BRPF3: variants seen among roughly 807,000 people sequenced by gnomAD.
BRPF3 encodes bromodomain and PHD finger containing 3, also known as bromodomain and PHD finger-containing protein 3.
Under a neutral mutation model 102.0 loss-of-function variants are expected in BRPF3, and 18 were observed. That is an observed-to-expected ratio of 0.18 (90% CI 0.12 to 0.26). BRPF3 has a LOEUF of 0.26. BRPF3 is among the 10% of genes least tolerant of loss of function. The pLI is 1.00. For missense variants in BRPF3, 1,147 were observed against 1,567.8 expected, an observed-to-expected ratio of 0.73 and a Z score of 4.53; for synonymous variants, 570 against 614.2, an observed-to-expected ratio of 0.93 and a Z score of 1.06.
chr6:36,216,658 T>C (rs1025025787), intron 8 of BRPF3, among the ~76,000 whole-genome samples: 4 of 152,224 alleles, frequency 2.6e-5, no homozygotes, highest in Non-Finnish European at 5.9e-5. Flanking sequence ...GTGTCTGTAA[T>C]CTACAGCTTT....
At chr6:36,226,392 A>T (rs1768740697) in intron 11 of BRPF3, among the ~76,000 whole-genome samples, 1 of 152,190 alleles carries the variant, frequency 6.6e-6, no homozygotes. Flanking sequence ...TTGGGGAGGT[A>T]GTGTCCACCT....
rs1768220714 is a variant in BRPF3 at position 36,213,861 on chromosome 6, TTC to T, written c.2483-15_2483-14del. 6.4e-7 allele frequency: 1 copy of T among 1,566,994 alleles called. No homozygotes were observed. The highest frequency in any genetic ancestry group is 8.6e-7 in the Non-Finnish European group (1 of 1,158,914). On this transcript the variant is annotated splice_polypyrimidine_tract_variant and intron_variant, in intron 7 of 12. Coordinates refer to ENST00000357641, the MANE Select transcript of BRPF3 (RefSeq NM_015695.3). The stretch of plus-strand genomic sequence containing the variant: ...ACTCTTTCTAAAATGTTCAAGCAGA[TTC>T]TCTTTTTTTCTAATAGATGACTCCA...
At position 36,227,373 on chromosome 6, in the gene BRPF3, G is replaced by A. The variant is rs9380558; in HGVS notation, c.3280-1529G>A. ...TTTTGTATCGTTCTATTTATTGTTC[G>A]CATATTCATATTATAGTTGTAATAA... is the stretch of plus-strand genomic sequence containing the variant. On this transcript the variant is annotated intron_variant, in intron 11 of 12. Transcript: ENST00000357641. 1.7e-3 allele frequency among the ~76,000 whole-genome samples: 260 copies of A among 152,150 alleles called. 5 individuals carry two copies. In the East Asian group the frequency reaches 0.047, roughly 27 times the overall value.
intron 7 of BRPF3, among the ~76,000 whole-genome samples, chr6:36,212,546 G>T (rs1301674813): frequency 6.9e-6 from 1 of 145,058 alleles, no homozygotes; most frequent in Non-Finnish European, 1.5e-5. Context: ...ACAGAGTTGT[G>T]CCCAGTAGGC....
chr6:36,219,864 A>G (rs1280396097), intron 9 of BRPF3, among the ~76,000 whole-genome samples: 1 of 151,272 alleles, frequency 6.6e-6, no homozygotes, highest in Non-Finnish European at 1.5e-5. Flanking sequence ...CATCCCCCAC[A>G]CTCCCTTTTT....
At chr6:36,198,764 G>A (rs1040997730) in intron 1 of BRPF3, among the ~76,000 whole-genome samples, 3 of 152,148 alleles carry the variant, frequency 2.0e-5, no homozygotes, top group Admixed American at 6.5e-5. Flanking sequence ...ACACCATGGG[G>A]CCCTGTATCC....
At chr6:36,213,840 T>C (rs1768219937) in intron 7 of BRPF3, 40 bp from the exon 8 acceptor site, 2 of 1,545,306 alleles carry the variant, frequency 1.3e-6, no homozygotes, top group South Asian at 1.3e-5. Context: ...GAGCAGACTC[T>C]TTCTAAAATG....
In BRPF3 at chr6:36,210,628, A is replaced by G. The variant is rs1195430381; in HGVS notation, c.2179+100A>G. 1 of 1,093,466 alleles carries G rather than the reference A, an allele frequency of 9.1e-7. No individual in the cohort carries two copies. Among genetic ancestry groups the G allele is most frequent in the Non-Finnish European group, 1.3e-6 (1 of 774,368 alleles). 67.7% of individuals were successfully genotyped at this position (1,093,466 alleles called of 1,614,324 possible). On this transcript the variant is annotated intron_variant, in intron 6 of 12. Coordinates refer to ENST00000357641, the MANE Select transcript of BRPF3 (RefSeq NM_015695.3). This position sits in a 1 kb window ranked among gnomAD's most constrained non-coding sequence, Gnocchi z 4.7. ...CAGGGTGGTCCTTGGGGCTATAGGT[A>G]GACTCCAGGAGCAAAGCTGAGGGTG...
intron 11 of BRPF3, among the ~76,000 whole-genome samples, chr6:36,225,982 C>T (rs1352818147): frequency 6.6e-6 from 1 of 152,202 alleles, no homozygotes; most frequent in African/African-American, 2.4e-5. Flanking sequence ...AACAGCATAT[C>T]ATGAACATGC....
chr6:36,219,496 G>C (rs1301314741), intron 9 of BRPF3, among the ~76,000 whole-genome samples: 1 of 152,140 alleles, frequency 6.6e-6, no homozygotes. Context: ...TCTTGCTCTT[G>C]ACTAAAAGTG....
chr6:36,225,153 G>A, intron 10 of BRPF3, 114 bp from the exon 11 acceptor site: 1 of 728,578 alleles, frequency 1.4e-6, no homozygotes, highest in Non-Finnish European at 2.3e-6. Context: ...GGGTGGAGGG[G>A]ATGTTGTGAC....
At position 36,210,403 on chromosome 6, in the gene BRPF3, T is replaced by A. The variant is rs372943418; in HGVS notation, c.2054T>A (p.Leu685Gln). The change falls in exon 6 of 13, where the codon CTG becomes CAG. Residue 685 changes from leucine (L) to glutamine (Q), a missense_variant. Physicochemically the swap from Leu to Gln is moderately radical, Grantham distance 113. Around this residue, in one of 11 missense-constraint regions of BRPF3, gnomAD observed 109 missense variants for 175.1 expected, o/e 0.62. Transcript: ENST00000357641. This position sits in a 1 kb window ranked among gnomAD's most constrained non-coding sequence, Gnocchi z 4.7. ...CGAGCAGCTGTCCGCCTGCGGGACC[T>A]GGGAGGGGCCATCCTACGGCACGCC... ...FHRAAVRLRD[L>Q]GGAILRHARR... 6.2e-7 allele frequency: 1 copy of A among 1,613,966 alleles called. No individual in the cohort carries two copies. The highest frequency in any genetic ancestry group is 8.5e-7 in the Non-Finnish European group (1 of 1,179,984).
chr6:36,199,126 C>T (rs566709541), intron 1 of BRPF3, among the ~76,000 whole-genome samples: 1 of 152,288 alleles, frequency 6.6e-6, no homozygotes, highest in East Asian at 1.9e-4. Context: ...AGGCCGCAGA[C>T]TGTGGCCTGT....
At chr6:36,221,507 G>A (rs966666996) in intron 9 of BRPF3, among the ~76,000 whole-genome samples, 8 of 151,956 alleles carry the variant, frequency 5.3e-5, no homozygotes, top group South Asian at 4.2e-4. Flanking sequence ...GGGTGGTCTC[G>A]ATCTTCTGAC....
intron 10 of BRPF3, among the ~76,000 whole-genome samples, chr6:36,223,714 A>G (rs1431835652): frequency 6.6e-6 from 1 of 152,070 alleles, no homozygotes; most frequent in African/African-American, 2.4e-5. Context: ...TAACCATTCT[A>G]TTGTTAGGCA....
intron 10 of BRPF3, among the ~76,000 whole-genome samples, chr6:36,224,228 A>C (rs1261497008): frequency 1.3e-5 from 2 of 152,198 alleles, no homozygotes; most frequent in African/African-American, 4.8e-5. Flanking sequence ...ATTTTTTAAA[A>C]AGTGAGGTAG....
chr6:36,213,982 T>C lies in BRPF3; in HGVS notation c.2585T>C (p.Ile862Thr). The change falls in exon 8 of 13, where the codon ATT (isoleucine) becomes ACT (threonine). Residue 862 changes from isoleucine (I) to threonine (T), a missense_variant. Transcript: ENST00000357641. ...CCGGAGCCCCCTACTCTGAAACCCA[T>C]TAATGATAGCAAACCTCCAAGCAGG... ...SPPEPPTLKP[I>T]NDSKPPSRFL... The C allele has an allele frequency of 1.9e-6, 3 of 1,610,774 alleles. No individual in the cohort carries two copies. The highest frequency in any genetic ancestry group is 2.5e-6 in the Non-Finnish European group (3 of 1,177,614).
In BRPF3 at chr6:36,230,652, G is replaced by A. The variant is rs751193305; in HGVS notation, c.*43G>A. 2.3e-5 allele frequency: 37 copies of A among 1,594,560 alleles called. No homozygotes were observed. The South Asian group carries it at 2.4e-4, about 10-fold the overall frequency. ...CATCCGCTTGCCCTGCCTCCATCCCGCAGGGCACAGAGAAGCCTCTTCTGC... is the reference window on the plus strand; with the variant it reads ...CATCCGCTTGCCCTGCCTCCATCCCACAGGGCACAGAGAAGCCTCTTCTGC... On this transcript the variant is annotated 3_prime_UTR_variant, in exon 13 of 13. Transcript: ENST00000357641. This position sits in a 1 kb window ranked among gnomAD's most constrained non-coding sequence, Gnocchi z 5.4.
At chr6:36,223,352 A>T (rs762626923) in intron 10 of BRPF3, among the ~76,000 whole-genome samples, 6 of 152,214 alleles carry the variant, frequency 3.9e-5, no homozygotes, top group Non-Finnish European at 7.3e-5. Flanking sequence ...GGTCAGGCTC[A>T]TGTCTAAATG....
Sources: allele counts gnomAD v4.1 joint callset (sites outside exome capture counted in the v4.1 genomes callset), GRCh38; gene constraint gnomAD v4.1.1; regional missense constraint gnomAD v4.1.1; non-coding constraint Gnocchi (gnomAD v3.1); transcripts MANE v1.5; gene names NCBI Gene and HGNC (gene_info 2026-07-23, HGNC 2026-07-21).